Variants in PXDNL observed in about 807,000 individuals in gnomAD.
The protein encoded by PXDNL is peroxidasin like.
A neutral mutation model predicts 150.8 loss-of-function variants in PXDNL; 145 were observed. The observed-to-expected ratio is 0.96, with a 90% confidence interval of 0.84 to 1.10. The LOEUF (loss-of-function observed/expected upper bound fraction) is 1.10, where lower values mean the gene tolerates loss of function less well. Ranked by LOEUF, PXDNL falls within the 50% of genes least tolerant of loss-of-function variation. PXDNL has a pLI of 0.00. For synonymous variants in PXDNL, 757 were observed against 725.7 expected (o/e 1.04, Z -0.69); for missense variants, 2,087 against 1,873.9 (o/e 1.11, Z -2.10).
chr8:51,374,932 C>T (rs1807257190), intron 17 of PXDNL, among the ~76,000 whole-genome samples: 1 of 152,166 alleles, frequency 6.6e-6, no homozygotes, highest in African/African-American at 2.4e-5. Context: ...GAGGCAGAGT[C>T]ATAACCTAAC....
At chr8:51,471,403 T>A (rs1303410683) in intron 8 of PXDNL, among the ~76,000 whole-genome samples, 1 of 152,216 alleles carries the variant, frequency 6.6e-6, no homozygotes, top group Non-Finnish European at 1.5e-5. Context: ...TATCAAACAG[T>A]ACCATGGGCA....
At chr8:51,482,712 G>C (rs1051344461) in intron 6 of PXDNL, among the ~76,000 whole-genome samples, 1 of 152,152 alleles carries the variant, frequency 6.6e-6, no homozygotes, top group Non-Finnish European at 1.5e-5. Flanking sequence ...GGAGTTCCCT[G>C]CACAGGCTCT....
At position 51,457,646 on chromosome 8, in the gene PXDNL, A is replaced by T. The variant is rs1195866255; in HGVS notation, c.834T>A (p.Asp278Glu). The change falls in exon 9 of 23, where the codon GAT becomes GAA. Residue 278 changes from aspartate (D) to glutamate (E), a missense_variant. By Grantham distance (45) the Asp-to-Glu change is conservative (BLOSUM62 2). Coordinates refer to ENST00000356297, the MANE Select transcript of PXDNL (RefSeq NM_144651.5). ...IHNNHSLDLE[D>E]DTRLNVFDDG... ...CATCAAACACATTAAGTCGAGTATC[A>T]TCTTCCAAATCCAATGAGTGGCTGG... 3.7e-6 allele frequency: 6 copies of T among 1,613,372 alleles called. No individual in the cohort carries two copies. Among genetic ancestry groups the T allele is most frequent in the Non-Finnish European group, 5.1e-6 (6 of 1,179,626 alleles).
intron 21 of PXDNL, among the ~76,000 whole-genome samples, chr8:51,329,665 G>C (rs1348530721): frequency 6.6e-6 from 1 of 152,112 alleles, no homozygotes; most frequent in African/African-American, 2.4e-5. Flanking sequence ...GAAAACATGG[G>C]TAATGTAAGT....
chr8:51,708,725 G>A (rs577372100), intron 1 of PXDNL, among the ~76,000 whole-genome samples: 34 of 152,276 alleles, frequency 2.2e-4, no homozygotes, highest in African/African-American at 7.2e-4. Flanking sequence ...AGACCAAAAC[G>A]TTGAACTGAG....
At chr8:51,473,274 A>AAC (rs1164131411) in intron 7 of PXDNL, among the ~76,000 whole-genome samples, 2,603 of 133,936 alleles carry the variant, frequency 0.019, 63 homozygotes, top group African/African-American at 0.053. Flanking sequence ...GTAGAAAATA[A>AAC]ACACACACAC....
In PXDNL at chr8:51,410,507, GAA is replaced by G. The variant is rs1185989022; in HGVS notation, c.2062+741_2062+742del. On this transcript the variant is annotated intron_variant, in intron 16 of 22. Transcript: ENST00000356297. ...GACAGTCAAATGCCAGTTAGTTAGAGAAATTGTACAGAGCTCTAAGGGCTGAG... is the reference window on the plus strand; with the variant it reads ...GACAGTCAAATGCCAGTTAGTTAGAGATTGTACAGAGCTCTAAGGGCTGAG... Among the ~76,000 whole-genome samples, 10 of 152,282 alleles carry G rather than the reference GAA, an allele frequency of 6.6e-5. No individual in the cohort carries two copies. In the South Asian group the frequency reaches 2.1e-3, roughly 32 times the overall value.
intron 4 of PXDNL, among the ~76,000 whole-genome samples, chr8:51,545,620 C>T (rs1021834314): frequency 3.3e-5 from 5 of 152,038 alleles, no homozygotes; most frequent in African/African-American, 1.2e-4. Flanking sequence ...ATCCCATGGC[C>T]TTATGTCATC....
intron 4 of PXDNL, among the ~76,000 whole-genome samples, chr8:51,531,107 A>T (rs1452417169): frequency 6.6e-6 from 1 of 152,216 alleles, no homozygotes; most frequent in African/African-American, 2.4e-5. Flanking sequence ...TCTGACACTA[A>T]CAGGAAGAGG....
At chr8:51,509,184 A>G (rs1262287703) in intron 4 of PXDNL, among the ~76,000 whole-genome samples, 2 of 152,344 alleles carry the variant, frequency 1.3e-5, no homozygotes, top group African/African-American at 4.8e-5. Flanking sequence ...TAGGTTAATT[A>G]GCTTGACTTG....
chr8:51,743,972 A>C (rs1404207578), intron 1 of PXDNL, among the ~76,000 whole-genome samples: 1 of 36,772 alleles, frequency 2.7e-5, no homozygotes, highest in Non-Finnish European at 9.6e-5. Context: ...AGAGAGAGAA[A>C]AAAGAAAGGA....
chr8:51,650,545 A>G (rs184718462), intron 2 of PXDNL, among the ~76,000 whole-genome samples: 2 of 152,288 alleles, frequency 1.3e-5, no homozygotes, highest in East Asian at 3.9e-4. Flanking sequence ...ACCATTTTCC[A>G]ATAAGCTAGC....
intron 17 of PXDNL, among the ~76,000 whole-genome samples, chr8:51,379,174 G>C (rs534130463): frequency 2.6e-5 from 4 of 151,946 alleles, no homozygotes; most frequent in Non-Finnish European, 5.9e-5. Flanking sequence ...TGGCAGCTCC[G>C]ATAACTTGTT....
In PXDNL at chr8:51,577,565, AT is replaced by A. The variant is rs540439330; in HGVS notation, c.308+15061del. Among the ~76,000 whole-genome samples the A allele has an allele frequency of 3.5e-3, 504 of 143,724 alleles. 2 individuals are homozygous for A. The highest frequency in any genetic ancestry group is 0.013 in the African/African-American group (484 of 38,230). 94.3% of individuals were successfully genotyped at this position (143,724 alleles called of 152,430 possible). On this transcript the variant is annotated intron_variant, in intron 3 of 22. Transcript: ENST00000356297. ...AAATCACTACAAATACATATATTTTATATATATATATAAAATCTATCTATCT... is the reference window on the plus strand; with the variant it reads ...AAATCACTACAAATACATATATTTTAATATATATATAAAATCTATCTATCT...
intron 1 of PXDNL, among the ~76,000 whole-genome samples, chr8:51,676,933 G>T (rs1041387770): frequency 6.6e-6 from 1 of 152,126 alleles, no homozygotes; most frequent in Non-Finnish European, 1.5e-5. Context: ...AGCATTCCAG[G>T]TGGGAATCAG....
chr8:51,681,748 GT>G (rs1815755740), intron 1 of PXDNL, among the ~76,000 whole-genome samples: 1 of 152,224 alleles, frequency 6.6e-6, no homozygotes, highest in Non-Finnish European at 1.5e-5. Context: ...CTTTACTGCA[GT>G]TTTGAAGCAT....
chr8:51,324,911 GAC>G (rs139092515), intron 21 of PXDNL, among the ~76,000 whole-genome samples: 33,118 of 151,932 alleles, frequency 0.22, 3,721 homozygotes, highest in Middle Eastern at 0.3. Context: ...TTTATTTTGA[GAC>G]AGAGTCTCAC....
chr8:51,693,374 T>A (rs192477029), intron 1 of PXDNL, among the ~76,000 whole-genome samples: 3 of 152,358 alleles, frequency 2.0e-5, no homozygotes, highest in Non-Finnish European at 4.4e-5. Context: ...GGTATTTATT[T>A]CATGAGAAAC....
At chr8:51,436,049 G>A (rs991677589) in intron 12 of PXDNL, 35 of 527,050 alleles carry the variant, frequency 6.6e-5, no homozygotes, top group Non-Finnish European at 5.8e-5. Context: ...AATAGTCATA[G>A]CCTAGCTGAA....
Sources: gnomAD v4.1 joint callset for allele counts (sites outside exome capture counted in the v4.1 genomes callset) on GRCh38, gnomAD v4.1.1 for gene constraint, MANE v1.5 for transcripts, NCBI Gene and HGNC (gene_info 2026-07-23, HGNC 2026-07-21) for gene names.